Variants in AKAP13 observed in about 807,000 individuals in gnomAD.
AKAP13 encodes A-kinase anchoring protein 13.
In AKAP13, 80 loss-of-function variants were observed where a neutral mutation model predicts 264.5. The ratio of observed to expected loss-of-function variants is 0.30; its 90% confidence interval spans 0.25 to 0.36. AKAP13 has a LOEUF of 0.36. Among genes scored for constraint, AKAP13 ranks in the 10% least tolerant of loss-of-function variants. AKAP13 has a pLI of 1.00. For missense variants in AKAP13, 3,712 were observed against 3,435.2 expected, an observed-to-expected ratio of 1.08 and a Z score of -2.01; for synonymous variants, 1,380 against 1,250.2, an observed-to-expected ratio of 1.10 and a Z score of -2.19.
intron 33 of AKAP13, among the ~76,000 whole-genome samples, chr15:85,738,120 G>A (rs919912134): frequency 2.0e-5 from 3 of 152,078 alleles, no homozygotes; most frequent in East Asian, 3.9e-4. Flanking sequence ...AAGAGGGGCC[G>A]GGCTCGGTGG....
At chr15:85,528,795 T>G (rs2077161918) in intron 3 of AKAP13, among the ~76,000 whole-genome samples, 1 of 152,200 alleles carries the variant, frequency 6.6e-6, no homozygotes, top group Admixed American at 6.5e-5. Context: ...TAATTCCTAA[T>G]TTAAAATACG....
chr15:85,567,348 C>T (rs935386951), intron 5 of AKAP13, among the ~76,000 whole-genome samples: 2 of 151,708 alleles, frequency 1.3e-5, no homozygotes, highest in African/African-American at 4.8e-5. Context: ...CCTTGTGATC[C>T]ACCCACCTCG....
At chr15:85,721,125 C>T (rs1489553035) in intron 23 of AKAP13, among the ~76,000 whole-genome samples, 1 of 152,144 alleles carries the variant, frequency 6.6e-6, no homozygotes, top group Non-Finnish European at 1.5e-5. Flanking sequence ...CCATTTGTAC[C>T]TCCTTGTACT....
Position 85,448,848 on chromosome 15 carries a change from C to CTTT in AKAP13, c.-11-36849_-11-36847dup, listed in dbSNP as rs368790274. Among the ~76,000 whole-genome samples the CTTT allele has an allele frequency of 2.6e-3, 340 of 129,598 alleles. 1 individual carries two copies. Among genetic ancestry groups the CTTT allele is most frequent in the African/African-American group, 7.8e-3 (284 of 36,336 alleles). The allele number at this position is 129,598 out of a possible 152,430, so 85.0% of individuals were successfully genotyped here. A position where few individuals can be genotyped will look rare whatever the true frequency, so the allele number is the denominator to read the frequency against. On this transcript the variant is annotated intron_variant, in intron 1 of 36. Transcript: ENST00000394518. ...CTAAGGATTGCCTTGGCTATTCAGG[C>CTTT]TTTTTTTTTTTTTTTCTGAAAAGAA...
chr15:85,619,817 T>C (rs1417944226), intron 8 of AKAP13: 2 of 1,237,962 alleles, frequency 1.6e-6, no homozygotes, highest in Non-Finnish European at 2.0e-6. Context: ...TTAGGTGGTA[T>C]TTATTGTTTA....
chr15:85,617,425 G>A (rs185976225), intron 8 of AKAP13, among the ~76,000 whole-genome samples: 48 of 152,278 alleles, frequency 3.2e-4, no homozygotes, highest in African/African-American at 1.1e-3. Flanking sequence ...TGTATTTTTA[G>A]TAGAGATGGG....
intron 8 of AKAP13, among the ~76,000 whole-genome samples, chr15:85,595,251 C>T (rs2079765439): frequency 6.6e-6 from 1 of 152,098 alleles, no homozygotes; most frequent in South Asian, 2.1e-4. Flanking sequence ...AGGTGCGAGC[C>T]ACCACACCTA....
At chr15:85,741,700 AAAAAAAAAAAAAAAAACAAACAAACAAAC>A (rs1383510819) in intron 35 of AKAP13, among the ~76,000 whole-genome samples, 10 of 10,864 alleles carry the variant, frequency 9.2e-4, no homozygotes, top group African/African-American at 1.8e-3. Flanking sequence ...TCTCTCCTAA[AAAAAAAAAAAAAAAAACAAACAAACAAAC>A]AAAAAAAAAA....
rs2077745531 is a variant in AKAP13, at chr15:85,546,370, G to A, written c.662+2415G>A. 3.2e-5 allele frequency among the ~76,000 whole-genome samples: 4 copies of A among 124,294 alleles called. No individual in the cohort carries two copies. In the South Asian group the frequency reaches 1.0e-3, roughly 31 times the overall value. The allele number at this position is 124,294 out of a possible 152,430, so 81.5% of individuals were successfully genotyped here. A position where few individuals can be genotyped will look rare whatever the true frequency, so the allele number is the denominator to read the frequency against. The stretch of plus-strand genomic sequence containing the variant: ...CACACACACACACACAGCCAAAAGT[G>A]TAAACAACCTAGATGTCCATCACAG... On this transcript the variant is annotated intron_variant, in intron 5 of 36. Transcript: ENST00000394518.
intron 31 of AKAP13, 112 bp downstream of exon 31, chr15:85,735,262 T>C (rs1702894195): frequency 1.4e-6 from 2 of 1,399,756 alleles, no homozygotes; most frequent in Admixed American, 4.8e-5. Context: ...GCAAATTTCT[T>C]AGTGAGATTT....
At chr15:85,492,837 A>G (rs1222568163) in intron 2 of AKAP13, among the ~76,000 whole-genome samples, 3 of 152,186 alleles carry the variant, frequency 2.0e-5, no homozygotes, top group African/African-American at 4.8e-5. Context: ...GGAGTATCAC[A>G]TTAGGAGGAC....
At chr15:85,438,438 G>A (rs1392661842) in intron 1 of AKAP13, among the ~76,000 whole-genome samples, 3 of 151,666 alleles carry the variant, frequency 2.0e-5, no homozygotes, top group African/African-American at 4.9e-5. Flanking sequence ...AGCTACCAAT[G>A]ACTTTCTTCA....
rs1597257069 is a variant in AKAP13, at chr15:85,745,383, C to G, written c.*706C>G. On this transcript the variant is annotated 3_prime_UTR_variant, in exon 37 of 37. Coordinates refer to ENST00000394518, the MANE Select transcript of AKAP13 (RefSeq NM_007200.5). ...ATGTGTATAAAAGACGTGATGTGCA[C>G]CACCTCGATCTCGGTGTTTCAGGCA... The G allele has an allele frequency of 2.0e-5, 3 of 152,140 alleles. No homozygotes were observed. The highest frequency in any genetic ancestry group is 2.0e-4 in the Admixed American group (3 of 15,274). The allele number at this position is 152,140 out of a possible 1,614,324, so 9.4% of individuals were successfully genotyped here.
Position 85,718,897 on chromosome 15 carries a change from T to C in AKAP13, c.6002-179T>C. 1.3e-6 allele frequency: 1 copy of C among 783,628 alleles called. No individual in the cohort carries two copies. The highest frequency in any genetic ancestry group is 1.9e-6 in the Non-Finnish European group (1 of 526,570). The allele number at this position is 783,628 out of a possible 1,614,324, so 48.5% of individuals were successfully genotyped here. A position where few individuals can be genotyped will look rare whatever the true frequency, so the allele number is the denominator to read the frequency against. On this transcript the variant is annotated intron_variant, in intron 22 of 36. Transcript: ENST00000394518. This position sits in a 1 kb window ranked among gnomAD's most constrained non-coding sequence, Gnocchi z 4.9. Reference sequence around the variant, plus strand: ...CTGGGTGACAGAGCCAGAACCTGTCTTAAAAAAAAAACAAAAAAACAAAAA... The same window carrying C: ...CTGGGTGACAGAGCCAGAACCTGTCCTAAAAAAAAAACAAAAAAACAAAAA...
intron 1 of AKAP13, among the ~76,000 whole-genome samples, chr15:85,483,318 C>G (rs2075404768): frequency 1.3e-5 from 2 of 152,154 alleles, no homozygotes; most frequent in Admixed American, 6.5e-5. Context: ...TGGCCCAACA[C>G]AAATTCGTAA....
chr15:85,478,764 T>C (rs2075261734), intron 1 of AKAP13, among the ~76,000 whole-genome samples: 1 of 152,132 alleles, frequency 6.6e-6, no homozygotes, highest in African/African-American at 2.4e-5. Flanking sequence ...TGGTGGCTAG[T>C]AAGTACCATC....
At chr15:85,497,501 T>C (rs1053883807) in intron 2 of AKAP13, among the ~76,000 whole-genome samples, 4 of 152,090 alleles carry the variant, frequency 2.6e-5, no homozygotes, top group African/African-American at 9.7e-5. Flanking sequence ...AAGCACAGTC[T>C]TTGGAGTAAG....
chr15:85,672,031 A>G (rs2083958357), intron 14 of AKAP13, among the ~76,000 whole-genome samples: 1 of 152,150 alleles, frequency 6.6e-6, no homozygotes, highest in Admixed American at 6.5e-5. Context: ...TAATACAGCT[A>G]ACTCCCCAAA....
chr15:85,383,978 G>A (rs905312752), intron 1 of AKAP13, among the ~76,000 whole-genome samples: 5 of 152,116 alleles, frequency 3.3e-5, no homozygotes, highest in Admixed American at 3.3e-4. Context: ...TACAGAAGAA[G>A]GCAGTGATTT....
Sources: gnomAD v4.1 joint callset for allele counts (sites outside exome capture counted in the v4.1 genomes callset) on GRCh38, gnomAD v4.1.1 for gene constraint, Gnocchi (gnomAD v3.1) non-coding constraint, MANE v1.5 for transcripts, NCBI Gene and HGNC (gene_info 2026-07-23, HGNC 2026-07-21) for gene names.